Variants in PDLIM5 observed in about 807,000 individuals in gnomAD.
The protein encoded by PDLIM5 is PDZ and LIM domain 5, also known as PDZ and LIM domain protein 5.
Under a neutral mutation model 64.2 loss-of-function variants are expected in PDLIM5, and 34 were observed. The ratio of observed to expected loss-of-function variants is 0.53; its 90% CI spans 0.40 to 0.71. The LOEUF is 0.71. Among genes scored for constraint, PDLIM5 ranks in the 30% least tolerant of loss-of-function variants. The pLI, the probability that PDLIM5 is intolerant of heterozygous loss-of-function variation, is 0.00. For missense variants in PDLIM5, 683 were observed against 733.6 expected (o/e 0.93, Z 0.80); for synonymous variants, 253 against 269.1 (o/e 0.94, Z 0.59).
At chr4:94,470,654 A>C (rs1724789899) in intron 2 of PDLIM5, among the ~76,000 whole-genome samples, 1 of 152,202 alleles carries the variant, frequency 6.6e-6, no homozygotes, top group South Asian at 2.1e-4. Flanking sequence ...AGATCACTTG[A>C]TTAGAGTTAA....
chr4:94,543,474 T>G (rs887792949), intron 3 of PDLIM5, among the ~76,000 whole-genome samples: 1 of 152,128 alleles, frequency 6.6e-6, no homozygotes, highest in Non-Finnish European at 1.5e-5. Context: ...TCTCAGCAAT[T>G]ATCAAGAATA....
intron 5 of PDLIM5, chr4:94,584,692 T>C: frequency 2.9e-6 from 1 of 346,946 alleles, no homozygotes; most frequent in East Asian, 5.0e-5. Flanking sequence ...AATTGCTAGT[T>C]TAGCCTCTAC....
At chr4:94,510,984 T>C (rs1728821456) in intron 2 of PDLIM5, among the ~76,000 whole-genome samples, 1 of 152,246 alleles carries the variant, frequency 6.6e-6, no homozygotes, top group Admixed American at 6.5e-5. Flanking sequence ...TTAATAACTG[T>C]TTAGACTAAT....
At chr4:94,467,506 G>T (rs1056232462) in intron 2 of PDLIM5, among the ~76,000 whole-genome samples, 8 of 151,972 alleles carry the variant, frequency 5.3e-5, no homozygotes, top group Non-Finnish European at 8.8e-5. Context: ...TAGAGACAGG[G>T]TTTCATCATT....
chr4:94,472,581 A>G (rs937219182), intron 2 of PDLIM5, among the ~76,000 whole-genome samples: 4 of 152,172 alleles, frequency 2.6e-5, no homozygotes, highest in Non-Finnish European at 5.9e-5. Context: ...ATTGCTTTCT[A>G]GGTGTTTTTC....
chr4:94,564,463 C>T (rs1458915620), intron 3 of PDLIM5, among the ~76,000 whole-genome samples: 1 of 152,062 alleles, frequency 6.6e-6, no homozygotes. Context: ...CCAGGAATTC[C>T]GTACTTCAGG....
chr4:94,599,123 A>G (rs899339241), intron 7 of PDLIM5, among the ~76,000 whole-genome samples: 1 of 152,186 alleles, frequency 6.6e-6, no homozygotes, highest in Admixed American at 6.6e-5. Context: ...GACTGTAGTC[A>G]TAGGAGTAAC....
chr4:94,555,467 T>A (rs965071481), intron 3 of PDLIM5, among the ~76,000 whole-genome samples: 1 of 152,228 alleles, frequency 6.6e-6, no homozygotes, highest in Admixed American at 6.5e-5. Flanking sequence ...TATTCTGCAA[T>A]GTATGTAAAT....
At position 94,665,608 on chromosome 4, in the gene PDLIM5, T is replaced by G. The variant is rs751219341; in HGVS notation, c.*1541T>G. 11 of 990,166 alleles carry G rather than the reference T, an allele frequency of 1.1e-5. No homozygotes were observed. Among genetic ancestry groups the G allele is most frequent in the Non-Finnish European group, 1.3e-5 (11 of 832,056 alleles). The allele number at this position is 990,166 out of a possible 1,614,324, so 61.3% of individuals were successfully genotyped here. A position where few individuals can be genotyped will look rare whatever the true frequency, so the allele number is the denominator to read the frequency against. On this transcript the variant is annotated 3_prime_UTR_variant, in exon 13 of 13. Transcript: ENST00000317968. ...AATCCCCTTTTCTCAAATAATAAAT[T>G]AGTTAAATCAGTTTCTGAGTTATGC... is the stretch of plus-strand genomic sequence containing the variant.
At chr4:94,646,570 T>G (rs1019678714) in intron 9 of PDLIM5, among the ~76,000 whole-genome samples, 8 of 152,202 alleles carry the variant, frequency 5.3e-5, no homozygotes, top group African/African-American at 1.9e-4. Context: ...ACAACCAAAT[T>G]AATATGGTAA....
intron 8 of PDLIM5, among the ~76,000 whole-genome samples, chr4:94,621,260 A>G (rs1739218723): frequency 6.6e-6 from 1 of 150,384 alleles, no homozygotes; most frequent in African/African-American, 2.4e-5. Context: ...TTAGTCTAAT[A>G]TTATTAGTCT....
chr4:94,500,709 C>T (rs1430734052), intron 2 of PDLIM5, among the ~76,000 whole-genome samples: 2 of 152,000 alleles, frequency 1.3e-5, no homozygotes, highest in Non-Finnish European at 2.9e-5. Flanking sequence ...GTGTCTGCTC[C>T]TTCCTGGTAA....
At chr4:94,483,503 A>G (rs1010611479) in intron 2 of PDLIM5, among the ~76,000 whole-genome samples, 3 of 152,156 alleles carry the variant, frequency 2.0e-5, no homozygotes, top group African/African-American at 4.8e-5. Context: ...CAGGACCCCA[A>G]TAAGGTCCAT....
At chr4:94,565,129 A>G (rs1734204339) in intron 3 of PDLIM5, among the ~76,000 whole-genome samples, 1 of 152,232 alleles carries the variant, frequency 6.6e-6, no homozygotes, top group Admixed American at 6.5e-5. Context: ...TAAAATAATT[A>G]CCAGTTGGGA....
At chr4:94,481,106 C>A (rs971157180) in intron 2 of PDLIM5, among the ~76,000 whole-genome samples, 48 of 152,168 alleles carry the variant, frequency 3.2e-4, no homozygotes, top group African/African-American at 1.0e-3. Flanking sequence ...TTGTTCAAAT[C>A]TTTTCCTTTA....
chr4:94,493,170 T>G (rs1727023432), intron 2 of PDLIM5, among the ~76,000 whole-genome samples: 4 of 152,232 alleles, frequency 2.6e-5, no homozygotes, highest in Admixed American at 2.6e-4. Context: ...TTGGAGAAAT[T>G]GCTATTCGGA....
chr4:94,563,958 C>CTTTTTTTTTTTTTTTTTT (rs796820308), intron 3 of PDLIM5, among the ~76,000 whole-genome samples: 1 of 119,360 alleles, frequency 8.4e-6, no homozygotes, highest in African/African-American at 3.2e-5. Flanking sequence ...TTCTTTCTTT[C>CTTTTTTTTTTTTTTTTTT]TTTTTTTTTT....
chr4:94,554,387 A>G (rs562587857), intron 3 of PDLIM5, among the ~76,000 whole-genome samples: 6 of 152,350 alleles, frequency 3.9e-5, no homozygotes, highest in African/African-American at 1.4e-4. Flanking sequence ...TGCCCTTTAG[A>G]GAAAACAAGC....
intron 3 of PDLIM5, among the ~76,000 whole-genome samples, chr4:94,555,212 C>G (rs919694600): frequency 2.0e-5 from 3 of 146,388 alleles, no homozygotes; most frequent in Non-Finnish European, 4.5e-5. Context: ...CACCACTATG[C>G]CTGGCTAATT....
Sources: gnomAD v4.1 joint callset for allele counts (sites outside exome capture counted in the v4.1 genomes callset) on GRCh38, gnomAD v4.1.1 for gene constraint, MANE v1.5 for transcripts, NCBI Gene and HGNC (gene_info 2026-07-23, HGNC 2026-07-21) for gene names.